Variants in LTBP1 observed in about 807,000 individuals in gnomAD.
LTBP1 encodes latent transforming growth factor beta binding protein 1.
Under a neutral mutation model 207.6 loss-of-function variants are expected in LTBP1, and 129 were observed. That is an observed-to-expected ratio of 0.62 (90% CI 0.54 to 0.72). The LOEUF is 0.72. LTBP1 is among the 30% of genes least tolerant of loss of function. The probability of loss-of-function intolerance (pLI) is 0.00; values close to 1 mark genes in which losing one functional copy is unlikely to be tolerated. For synonymous variants in LTBP1, 963 were observed against 833.7 expected, an observed-to-expected ratio of 1.16 and a Z score of -2.67; for missense variants, 2,281 against 2,217.2, an observed-to-expected ratio of 1.03 and a Z score of -0.58.
rs1431461079 is a variant in LTBP1, at chr2:33,103,625, GTGAGTGTT to G, written c.864-6956_864-6949del. On this transcript the variant is annotated intron_variant, in intron 3 of 33. Transcript: ENST00000404816. ...TGTGTGTGTGTGTGTGTGTGTGTGT[GTGAGTGTT>G]ATGCTGCCATGTGGCATCTTCCTAA... is the stretch of plus-strand genomic sequence containing the variant. 1.9e-3 allele frequency among the ~76,000 whole-genome samples: 256 copies of G among 133,122 alleles called. 3 individuals are homozygous for G. Among genetic ancestry groups the G allele is most frequent in the Middle Eastern group, 0.016 (4 of 252 alleles). 87.3% of individuals were successfully genotyped at this position (133,122 alleles called of 152,430 possible).
intron 3 of LTBP1, among the ~76,000 whole-genome samples, chr2:33,080,303 C>T (rs879724170): frequency 2.6e-5 from 4 of 152,284 alleles, no homozygotes; most frequent in East Asian, 1.9e-4. Flanking sequence ...GCTGAGATTA[C>T]GGGCATGAGC....
chr2:32,969,229 TTGTGTGTG>T (rs201873946), intron 2 of LTBP1, among the ~76,000 whole-genome samples: 2,176 of 131,676 alleles, frequency 0.017, 33 homozygotes, highest in Middle Eastern at 0.023. Flanking sequence ...CCTGGCCAAT[TTGTGTGTG>T]TGTGTGTGTG....
At chr2:33,283,438 T>C (rs1245297464) in intron 19 of LTBP1, among the ~76,000 whole-genome samples, 1 of 134,086 alleles carries the variant, frequency 7.5e-6, no homozygotes, top group East Asian at 2.2e-4. Context: ...TTTTTTTTTT[T>C]TTTTTTTTTT....
At chr2:33,156,865 C>G (rs1018111909) in intron 5 of LTBP1, among the ~76,000 whole-genome samples, 5 of 152,194 alleles carry the variant, frequency 3.3e-5, no homozygotes, top group Admixed American at 2.6e-4. Flanking sequence ...GCTATAATTT[C>G]AAGTCTGAGT....
At position 33,061,109 on chromosome 2, in the gene LTBP1, C is replaced by G. The variant is rs187581532; in HGVS notation, c.863+39903C>G. Among the ~76,000 whole-genome samples the G allele has an allele frequency of 7.2e-5, 11 of 152,172 alleles. No homozygotes were observed. In the East Asian group the frequency reaches 1.5e-3, roughly 21 times the overall value. ...ATTGAAGTATTTATGGAAGATAATT[C>G]AGTCTATATTTAGGAAAGACTTCTT... On this transcript the variant is annotated intron_variant, in intron 3 of 33. Coordinates refer to ENST00000404816, the MANE Select transcript of LTBP1 (RefSeq NM_206943.4).
At chr2:33,262,031 C>G (rs2093026049) in intron 13 of LTBP1, among the ~76,000 whole-genome samples, 1 of 152,156 alleles carries the variant, frequency 6.6e-6, no homozygotes, top group Non-Finnish European at 1.5e-5. Flanking sequence ...GAGCCCTGCA[C>G]AGTTGTAAAT....
chr2:32,967,420 T>A (rs77760826), intron 2 of LTBP1, among the ~76,000 whole-genome samples: 9,678 of 152,220 alleles, frequency 0.064, 564 homozygotes, highest in East Asian at 0.24. Context: ...ATTATTAATT[T>A]TAGATCTTTC....
chr2:33,128,381 A>T (rs147724263), intron 4 of LTBP1, among the ~76,000 whole-genome samples: 2 of 152,222 alleles, frequency 1.3e-5, no homozygotes, highest in Non-Finnish European at 2.9e-5. Context: ...CGTAGTAGAG[A>T]TGGAAGACAG....
At chr2:33,237,346 T>A (rs1416866507) in intron 9 of LTBP1, among the ~76,000 whole-genome samples, 3 of 152,212 alleles carry the variant, frequency 2.0e-5, no homozygotes, top group Non-Finnish European at 4.4e-5. Flanking sequence ...AACCCCTCTT[T>A]TAGCAGAGGT....
At chr2:33,106,125 A>G (rs969336130) in intron 3 of LTBP1, among the ~76,000 whole-genome samples, 6 of 152,194 alleles carry the variant, frequency 3.9e-5, no homozygotes, top group Non-Finnish European at 7.3e-5. Context: ...TTCAAGTCTG[A>G]TCATGAGATT....
At position 33,240,978 on chromosome 2, in the gene LTBP1, G is replaced by A. The variant is rs139418682; in HGVS notation, c.1877-2684G>A. ...AACGTTCTTAATCACAATCTGGGTG[G>A]TGGTTACACCACAAGTAGATATGCA... On this transcript the variant is annotated intron_variant, in intron 9 of 33. Transcript: ENST00000404816. Among the ~76,000 whole-genome samples, 78 of 152,250 alleles carry A rather than the reference G, an allele frequency of 5.1e-4. No homozygotes were observed. In the East Asian group the frequency reaches 0.014, roughly 27 times the overall value.
intron 10 of LTBP1, among the ~76,000 whole-genome samples, chr2:33,248,586 A>ATTT (rs201927841): frequency 2.8e-5 from 4 of 140,682 alleles, no homozygotes; most frequent in African/African-American, 1.0e-4. Flanking sequence ...TTCTCCACGA[A>ATTT]TTTTTTTTTT....
At chr2:33,157,996 C>T (rs1197822928) in intron 5 of LTBP1, among the ~76,000 whole-genome samples, 2 of 151,890 alleles carry the variant, frequency 1.3e-5, no homozygotes, top group African/African-American at 2.4e-5. Flanking sequence ...ATTAGCCAGC[C>T]GTGGTGGCAT....
chr2:33,247,241 G>A (rs916104877), intron 10 of LTBP1, among the ~76,000 whole-genome samples: 13 of 152,176 alleles, frequency 8.5e-5, no homozygotes, highest in African/African-American at 3.1e-4. Context: ...GAGAGAAAGG[G>A]CAAATGCCTT....
intron 5 of LTBP1, among the ~76,000 whole-genome samples, chr2:33,143,263 G>T (rs1448050017): frequency 6.6e-6 from 1 of 152,178 alleles, no homozygotes; most frequent in Non-Finnish European, 1.5e-5. Context: ...TGACTTGCCT[G>T]TTTCTTCCAC....
rs542417613 is a variant in LTBP1 at position 33,175,762 on chromosome 2, C to T, written c.1202-11094C>T. Among the ~76,000 whole-genome samples the T allele has an allele frequency of 2.0e-3, 303 of 152,082 alleles. 1 individual carries two copies. Among genetic ancestry groups the T allele is most frequent in the African/African-American group, 6.8e-3 (283 of 41,450 alleles). ...AAGACTTGGAACCAACCCAAATGGC[C>T]AACAGTGATAGACTGGATTAAGAAA... On this transcript the variant is annotated intron_variant, in intron 5 of 33. Transcript: ENST00000404816.
At chr2:33,284,471 C>T (rs1450223412) in intron 19 of LTBP1, among the ~76,000 whole-genome samples, 1 of 152,164 alleles carries the variant, frequency 6.6e-6, no homozygotes, top group East Asian at 1.9e-4. Flanking sequence ...GTTCGTCATT[C>T]GGCACTGTAT....
At chr2:33,013,456 A>G (rs969549567) in intron 2 of LTBP1, among the ~76,000 whole-genome samples, 2 of 151,736 alleles carry the variant, frequency 1.3e-5, no homozygotes, top group Admixed American at 6.6e-5. Flanking sequence ...TTTATATAAT[A>G]GCATTTTCAG....
chr2:33,358,084 CT>C (rs1285651877), intron 26 of LTBP1, among the ~76,000 whole-genome samples: 3 of 152,070 alleles, frequency 2.0e-5, no homozygotes, highest in Non-Finnish European at 4.4e-5. Flanking sequence ...CCAGAATGAC[CT>C]TTGTGGACTA....
Sources: gnomAD v4.1 joint callset for allele counts (sites outside exome capture counted in the v4.1 genomes callset) on GRCh38, gnomAD v4.1.1 for gene constraint, MANE v1.5 for transcripts, NCBI Gene and HGNC (gene_info 2026-07-23, HGNC 2026-07-21) for gene names.